TMEM94: variants seen among roughly 807,000 people sequenced by gnomAD.
TMEM94 encodes the protein ER Mg2+ ATPase.
In TMEM94, 81 loss-of-function variants were observed where a neutral mutation model predicts 158.6. The ratio of observed to expected loss-of-function variants is 0.51; its 90% CI spans 0.43 to 0.61. TMEM94 has a LOEUF of 0.61. Ranked by LOEUF, TMEM94 falls within the 20% of genes least tolerant of loss-of-function variation. TMEM94 has a pLI of 0.00. For synonymous variants in TMEM94, 751 were observed against 730.7 expected, an observed-to-expected ratio of 1.03 and a Z score of -0.45; for missense variants, 1,435 against 1,762.0, an observed-to-expected ratio of 0.81 and a Z score of 3.32.
intron 2 of TMEM94, among the ~76,000 whole-genome samples, chr17:75,473,988 G>C (rs2050585194): frequency 6.6e-6 from 1 of 151,988 alleles, no homozygotes; most frequent in South Asian, 2.1e-4. Context: ...GGTGGCGCGT[G>C]CCTGTAATCC....
intron 2 of TMEM94, among the ~76,000 whole-genome samples, chr17:75,477,316 T>C (rs2050751866): frequency 6.6e-6 from 1 of 151,724 alleles, no homozygotes; most frequent in Non-Finnish European, 1.5e-5. Flanking sequence ...CTCAGAAGAG[T>C]GTATAGTGGC....
In TMEM94 at chr17:75,495,709, C is replaced by G. The variant is rs368629501; in HGVS notation, c.2944+66C>G. ...GTCGGCTGAGCTCTGCCTGGGCCTG[C>G]GTACCCCGTGGGCTCTGGAGGGATG... On this transcript the variant is annotated intron_variant, in intron 22 of 31. Coordinates refer to ENST00000314256, the MANE Select transcript of TMEM94 (RefSeq NM_014738.6). The surrounding 1 kb of genome is among the most constrained non-coding windows in gnomAD (Gnocchi z 5.6). 20 of 1,473,460 alleles carry G rather than the reference C, an allele frequency of 1.4e-5. No individual in the cohort carries two copies. The highest frequency in any genetic ancestry group is 2.0e-4 in the Middle Eastern group (1 of 4,952). The allele number at this position is 1,473,460 out of a possible 1,614,324, so 91.3% of individuals were successfully genotyped here. A position where few individuals can be genotyped will look rare whatever the true frequency, so the allele number is the denominator to read the frequency against.
At position 75,463,172 on chromosome 17, in the gene TMEM94, G is replaced by A. The variant is rs1464217952; in HGVS notation, c.-107+6421G>A. Among the ~76,000 whole-genome samples the A allele has an allele frequency of 7.8e-3, 35 of 4,488 alleles. 6 individuals carry two copies. Among genetic ancestry groups the A allele is most frequent in the African/African-American group, 0.041 (33 of 810 alleles). The allele number at this position is 4,488 out of a possible 152,430, so 2.9% of individuals were successfully genotyped here. On this transcript the variant is annotated intron_variant, in intron 1 of 31. Transcript: ENST00000314256. ...TACACGTATATATATGTGTGTGTGTGTGTGTGTATATATATATATATATAT... is the reference window on the plus strand; with the variant it reads ...TACACGTATATATATGTGTGTGTGTATGTGTGTATATATATATATATATAT...
At chr17:75,458,481 T>C (rs1350103542) in intron 1 of TMEM94, among the ~76,000 whole-genome samples, 1 of 149,920 alleles carries the variant, frequency 6.7e-6, no homozygotes, top group African/African-American at 2.5e-5. Context: ...GTGGGAGGAC[T>C]GCTTGAGCCC....
At chr17:75,467,264 C>T (rs1201958391) in intron 1 of TMEM94, among the ~76,000 whole-genome samples, 4 of 151,704 alleles carry the variant, frequency 2.6e-5, no homozygotes, top group Non-Finnish European at 1.5e-5. Context: ...TGTGAGCCAC[C>T]GTACCCAGCC....
chr17:75,494,699 T>C lies in TMEM94; in HGVS notation c.2480T>C (p.Val827Ala). 2 of 1,613,742 alleles carry C rather than the reference T, an allele frequency of 1.2e-6. No individual in the cohort carries two copies. Among genetic ancestry groups the C allele is most frequent in the South Asian group, 2.2e-5 (2 of 91,090 alleles). Residue 827 changes from valine to alanine, a missense_variant, in exon 19 of 32, where the codon GTG becomes GCG. Physicochemically the swap from Val to Ala is moderately conservative, Grantham distance 64 (BLOSUM62 0). This residue lies in a region of TMEM94 where 1,051 missense variants were observed against 1,254.4 expected (regional missense o/e 0.84). Coordinates refer to ENST00000314256, the MANE Select transcript of TMEM94 (RefSeq NM_014738.6). Reference protein sequence around the residue: ...ALSGQIFMGMVSSQYQARLDI... With the variant: ...ALSGQIFMGMASSQYQARLDI... The stretch of plus-strand genomic sequence containing the variant: ...AGCGGCCAGATCTTCATGGGCATGG[T>C]GTCCTCCCAGTACCAGGCCCGGCTG...
At chr17:75,460,471 C>T (rs2050027172) in intron 1 of TMEM94, among the ~76,000 whole-genome samples, 1 of 151,280 alleles carries the variant, frequency 6.6e-6, no homozygotes, top group South Asian at 2.1e-4. Flanking sequence ...TGTTGCTTAG[C>T]TATAAGGCAG....
intron 16 of TMEM94, 149 bp downstream of exon 16, chr17:75,493,251 G>A: frequency 1.3e-5 from 13 of 963,786 alleles, no homozygotes; most frequent in Non-Finnish European, 2.0e-5. Flanking sequence ...GGCTGGAATT[G>A]GGGACCAGGG....
intron 1 of TMEM94, among the ~76,000 whole-genome samples, chr17:75,463,934 C>T (rs1186014007): frequency 6.6e-6 from 1 of 152,166 alleles, no homozygotes; most frequent in Non-Finnish European, 1.5e-5. Flanking sequence ...TCAATTAGTA[C>T]CCTGTGGGCA....
rs749952301 is a variant in TMEM94, at chr17:75,495,575, G to A, written c.2876G>A (p.Arg959Gln). The A allele has an allele frequency of 1.9e-6, 3 of 1,613,514 alleles. No homozygotes were observed. Among genetic ancestry groups the A allele is most frequent in the Non-Finnish European group, 1.7e-6 (2 of 1,180,012 alleles). The change falls in exon 22 of 32, where the codon CGG becomes CAG. Residue 959 changes from arginine to glutamine, a missense_variant. By Grantham distance (43) the Arg-to-Gln change is conservative. This residue lies in a region of TMEM94 where 49 missense variants were observed against 98.5 expected (regional missense o/e 0.50). Coordinates refer to ENST00000314256, the MANE Select transcript of TMEM94 (RefSeq NM_014738.6). This position sits in a 1 kb window ranked among gnomAD's most constrained non-coding sequence, Gnocchi z 5.6. ...CTGCCCCGGGGTATCCACCAAGTGC[G>A]GCCCCACCTGCAGAACATTGACAAC... ...AKLPRGIHQVRPHLQNIDNVP... is the reference protein window; with the variant it reads ...AKLPRGIHQVQPHLQNIDNVP...
rs551354738 is a variant in TMEM94 at position 75,495,125 on chromosome 17, T to G, written c.2728+91T>G. 50 of 1,529,098 alleles carry G rather than the reference T, an allele frequency of 3.3e-5. 2 individuals carry two copies. The South Asian group carries it at 5.6e-4, about 17-fold the overall frequency. 94.7% of individuals were successfully genotyped at this position (1,529,098 alleles called of 1,614,324 possible). A position where few individuals can be genotyped will look rare whatever the true frequency, so the allele number is the denominator to read the frequency against. On this transcript the variant is annotated intron_variant, in intron 20 of 31. Transcript: ENST00000314256. This position sits in a 1 kb window ranked among gnomAD's most constrained non-coding sequence, Gnocchi z 5.6. The stretch of plus-strand genomic sequence containing the variant: ...GCCAGGAAGAGCCTCCGGAGAGCCC[T>G]CCAGTTAAGTACATTCCCTTGGGAA...
chr17:75,489,429 G>A lies in TMEM94; in HGVS notation c.867+61G>A. 6 of 1,546,038 alleles carry A rather than the reference G, an allele frequency of 3.9e-6. No individual in the cohort carries two copies. The highest frequency in any genetic ancestry group is 1.4e-5 in the African/African-American group (1 of 73,570). On this transcript the variant is annotated intron_variant, in intron 8 of 31. Transcript: ENST00000314256. This position sits in a 1 kb window ranked among gnomAD's most constrained non-coding sequence, Gnocchi z 5.0. ...CAGAGGAGAGGGCTGGACACGGGGG[G>A]GTCTCAGGGCCACTCACATGAGCGG...
In TMEM94 at chr17:75,490,226, C is replaced by T. The variant is rs2052041839; in HGVS notation, c.955-8C>T. The T allele has an allele frequency of 6.2e-7, 1 of 1,614,022 alleles. No homozygotes were observed. Among genetic ancestry groups the T allele is most frequent in the Non-Finnish European group, 8.5e-7 (1 of 1,179,994 alleles). On this transcript the variant is annotated splice_polypyrimidine_tract_variant and splice_region_variant and intron_variant, in intron 9 of 31. Coordinates refer to ENST00000314256, the MANE Select transcript of TMEM94 (RefSeq NM_014738.6). ...CAGGAGCCATCTGTGTGGTCCGCTC[C>T]TTCCCAGGTGAATGGCGTCCTGCCC... is the stretch of plus-strand genomic sequence containing the variant.
Position 75,491,851 on chromosome 17 carries a change from A to T in TMEM94, c.1547A>T (p.Asn516Ile). The T allele has an allele frequency of 6.2e-7, 1 of 1,613,996 alleles. No individual in the cohort carries two copies. Among genetic ancestry groups the T allele is most frequent in the Non-Finnish European group, 8.5e-7 (1 of 1,179,986 alleles). Reference protein sequence around the residue: ...HGRSKHPSGSNVSFSRDTEGG... With the variant: ...HGRSKHPSGSIVSFSRDTEGG... ...CGCAGCAAACACCCATCTGGCTCCA[A>T]CGTGAGCTTCAGCAGGGACACCGAG... The change falls in exon 14 of 32, where the codon AAC becomes ATC. Residue 516 changes from asparagine to isoleucine, a missense_variant. Around this residue, in one of 3 missense-constraint regions of TMEM94, gnomAD observed 1,051 missense variants for 1,254.4 expected, o/e 0.84. Transcript: ENST00000314256. This position sits in a 1 kb window ranked among gnomAD's most constrained non-coding sequence, Gnocchi z 5.1.
Position 75,493,584 on chromosome 17 carries a change from G to A in TMEM94, c.2180G>A (p.Gly727Glu). ...GGAGCTGACATCTACCCTCTCTCGG[G>A]ATCTGACAGGTGGGTGAGGAAGCAC... ...WDGADIYPLS[G>E]SDRKKVLDFY... is the part of the protein sequence containing the mutation. The change falls in exon 17 of 32, where the codon GGA (glycine) becomes GAA (glutamate). Residue 727 changes from glycine (G) to glutamate (E), a missense_variant. Coordinates refer to ENST00000314256, the MANE Select transcript of TMEM94 (RefSeq NM_014738.6). The A allele has an allele frequency of 6.2e-7, 1 of 1,614,016 alleles. No homozygotes were observed. The highest frequency in any genetic ancestry group is 8.5e-7 in the Non-Finnish European group (1 of 1,180,038).
chr17:75,476,713 A>G (rs1217301349), intron 2 of TMEM94: 1 of 1,535,712 alleles, frequency 6.5e-7, no homozygotes, highest in Non-Finnish European at 8.7e-7. Context: ...AGGCAGAGCT[A>G]TGGATGCCCC....
At position 75,499,467 on chromosome 17, in the gene TMEM94, C is replaced by T. The variant is rs551338877; in HGVS notation, c.*133C>T. 5.0e-6 allele frequency: 4 copies of T among 792,424 alleles called. No individual in the cohort carries two copies. Among genetic ancestry groups the T allele is most frequent in the South Asian group, 5.0e-5 (3 of 60,402 alleles). The allele number at this position is 792,424 out of a possible 1,614,324, so 49.1% of individuals were successfully genotyped here. On this transcript the variant is annotated 3_prime_UTR_variant, in exon 32 of 32. Transcript: ENST00000314256. ...CCCGTGGCACTGGAAACCCAGCTCC[C>T]CGTGTCAGACCCCGCTGTCTTCCTG...
intron 1 of TMEM94, among the ~76,000 whole-genome samples, chr17:75,467,530 T>C (rs1051912065): frequency 1.1e-4 from 16 of 139,906 alleles, no homozygotes; most frequent in Non-Finnish European, 1.7e-4. Flanking sequence ...CTTTTTTTTT[T>C]TTTTTTTTTT....
chr17:75,459,847 C>A (rs6501805), intron 1 of TMEM94: 125,772 of 152,042 alleles, frequency 0.83, 52,746 homozygotes, highest in Middle Eastern at 0.91. Flanking sequence ...TTTCTTTACC[C>A]AAATGATAGG....
Sources: allele counts gnomAD v4.1 joint callset (sites outside exome capture counted in the v4.1 genomes callset), GRCh38; gene constraint gnomAD v4.1.1; regional missense constraint gnomAD v4.1.1; non-coding constraint Gnocchi (gnomAD v3.1); transcripts MANE v1.5; gene names NCBI Gene and HGNC (gene_info 2026-07-23, HGNC 2026-07-21).